Variants in PPP3CA observed in about 807,000 individuals in gnomAD.
PPP3CA encodes the protein CAM-PRP catalytic subunit.
In PPP3CA, 14 loss-of-function variants were observed where a neutral mutation model predicts 66.5. The ratio of observed to expected loss-of-function variants is 0.21; its 90% CI spans 0.14 to 0.33. The LOEUF is 0.33. PPP3CA is among the 10% of genes least tolerant of loss of function. The pLI is 1.00. For synonymous variants in PPP3CA, 232 were observed against 226.2 expected (o/e 1.03, Z -0.23); for missense variants, 317 against 639.5 (o/e 0.50, Z 5.44).
chr4:101,223,759 C>T (rs1444118116), intron 1 of PPP3CA, among the ~76,000 whole-genome samples: 1 of 151,782 alleles, frequency 6.6e-6, no homozygotes, highest in Non-Finnish European at 1.5e-5. Flanking sequence ...TGTATAATTA[C>T]TTAATATCAT....
chr4:101,141,328 C>T (rs1560623646), intron 2 of PPP3CA, among the ~76,000 whole-genome samples: 1 of 152,100 alleles, frequency 6.6e-6, no homozygotes, highest in South Asian at 2.1e-4. Context: ...CCAGATCACG[C>T]CACTGCATGC....
rs534683519 is a variant in PPP3CA, at chr4:101,126,028, A to T, written c.260-16950T>A. Among the ~76,000 whole-genome samples, 17 of 152,332 alleles carry T rather than the reference A, an allele frequency of 1.1e-4. No homozygotes were observed. In the East Asian group the frequency reaches 2.7e-3, roughly 24 times the overall value. ...GGTAGGAAGAGAGATGTGCAGGTAAATTTATACACAATATTTTTAAAGGAA... is the reference window on the plus strand; with the variant it reads ...GGTAGGAAGAGAGATGTGCAGGTAATTTTATACACAATATTTTTAAAGGAA... On this transcript the variant is annotated intron_variant, in intron 2 of 13. Transcript: ENST00000394854.
chr4:101,249,503 C>T (rs1172052845), intron 1 of PPP3CA, among the ~76,000 whole-genome samples: 2 of 151,904 alleles, frequency 1.3e-5, no homozygotes, highest in Non-Finnish European at 2.9e-5. Context: ...TTAGTACATT[C>T]ATTCTTCCTT....
intron 1 of PPP3CA, among the ~76,000 whole-genome samples, chr4:101,210,923 C>A (rs1725279849): frequency 6.6e-6 from 1 of 151,950 alleles, no homozygotes; most frequent in Non-Finnish European, 1.5e-5. Flanking sequence ...AAGAAACAGG[C>A]TCAAAGAGAG....
At chr4:101,333,895 A>T (rs957060105) in intron 1 of PPP3CA, among the ~76,000 whole-genome samples, 4 of 152,180 alleles carry the variant, frequency 2.6e-5, no homozygotes, top group African/African-American at 7.2e-5. Context: ...TTTGCTTCCC[A>T]CACTGGACAG....
Position 101,093,935 on chromosome 4 carries a change from G to C in PPP3CA, c.643-20C>G, listed in dbSNP as rs757710167. 1.9e-6 allele frequency: 3 copies of C among 1,586,496 alleles called. No homozygotes were observed. Among genetic ancestry groups the C allele is most frequent in the Non-Finnish European group, 2.6e-6 (3 of 1,166,972 alleles). ...GTCTAACTAAGAAAAATAGAAGACA[G>C]AGAGCAAAATACTAATCTTTGGAAA... On this transcript the variant is annotated intron_variant, in intron 5 of 13. Transcript: ENST00000394854.
chr4:101,246,768 C>A (rs1338781123), intron 1 of PPP3CA, among the ~76,000 whole-genome samples: 2 of 151,908 alleles, frequency 1.3e-5, no homozygotes, highest in African/African-American at 4.8e-5. Flanking sequence ...ACATCTCCTT[C>A]TATATATATA....
intron 2 of PPP3CA, among the ~76,000 whole-genome samples, chr4:101,177,270 C>A (rs1315064642): frequency 6.6e-6 from 1 of 152,082 alleles, no homozygotes; most frequent in Non-Finnish European, 1.5e-5. Flanking sequence ...TTAGACTAAT[C>A]AAGATATTCC....
At chr4:101,029,115 C>A in intron 13 of PPP3CA, 51 bp downstream of exon 13, 2 of 1,522,004 alleles carry the variant, frequency 1.3e-6, no homozygotes, top group South Asian at 1.1e-5. Flanking sequence ...ATACACCCAG[C>A]AGAGCCCTTA....
At chr4:101,210,753 T>A (rs1725275560) in intron 1 of PPP3CA, among the ~76,000 whole-genome samples, 1 of 152,218 alleles carries the variant, frequency 6.6e-6, no homozygotes, top group South Asian at 2.1e-4. Context: ...TATTTCTTTG[T>A]CTTTAAAATA....
chr4:101,194,462 G>A (rs1724721071), intron 2 of PPP3CA, among the ~76,000 whole-genome samples: 1 of 152,116 alleles, frequency 6.6e-6, no homozygotes, highest in South Asian at 2.1e-4. Context: ...TAATATTTAA[G>A]AGGAAAATAT....
At chr4:101,290,301 T>C (rs1405299671) in intron 1 of PPP3CA, among the ~76,000 whole-genome samples, 1 of 152,224 alleles carries the variant, frequency 6.6e-6, no homozygotes, top group Non-Finnish European at 1.5e-5. Flanking sequence ...GTCCCAGGAA[T>C]TTCCTTTGGT....
intron 1 of PPP3CA, among the ~76,000 whole-genome samples, chr4:101,275,886 T>G (rs57878779): frequency 0.65 from 96,772 of 148,398 alleles, 32,696 homozygotes; most frequent in Non-Finnish European, 0.75. Flanking sequence ...TTTGTTTGTT[T>G]GTTTGTTTTT....
At position 101,025,984 on chromosome 4, in the gene PPP3CA, T is replaced by C. The variant is rs1360040556; in HGVS notation, c.1447A>G (p.Met483Val). ...GGCATGGCATCTCTGCGAGGCGGCA[T>C]CCTCTCATTAATTCGGTCTAAGCCC... is the stretch of plus-strand genomic sequence containing the variant. ...AKGLDRINER[M>V]PPRRDAMPSD... Residue 483 changes from methionine (M) to valine (V), a missense_variant, in exon 14 of 14, where the codon ATG (methionine) becomes GTG (valine). By Grantham distance (21) the Met-to-Val change is conservative. Coordinates refer to ENST00000394854, the MANE Select transcript of PPP3CA (RefSeq NM_000944.5). 1 of 1,613,796 alleles carries C rather than the reference T, an allele frequency of 6.2e-7. No individual in the cohort carries two copies. The highest frequency in any genetic ancestry group is 1.3e-5 in the African/African-American group (1 of 74,844).
At chr4:101,078,343 T>C (rs1220098457) in intron 8 of PPP3CA, among the ~76,000 whole-genome samples, 1 of 152,192 alleles carries the variant, frequency 6.6e-6, no homozygotes, top group Non-Finnish European at 1.5e-5. Context: ...TTAGCTTTTA[T>C]GAGTTTTATA....
intron 1 of PPP3CA, among the ~76,000 whole-genome samples, chr4:101,214,717 A>G (rs1054751455): frequency 3.3e-5 from 5 of 152,138 alleles, no homozygotes; most frequent in African/African-American, 1.2e-4. Flanking sequence ...TATAGATTTA[A>G]TGATGTAACT....
At chr4:101,059,378 C>T (rs1016785223) in intron 10 of PPP3CA, among the ~76,000 whole-genome samples, 3 of 151,786 alleles carry the variant, frequency 2.0e-5, no homozygotes, top group East Asian at 1.9e-4. Context: ...CATCTCCTTG[C>T]GATGTGGTAT....
At chr4:101,076,643 A>G (rs1450149946) in intron 8 of PPP3CA, among the ~76,000 whole-genome samples, 1 of 152,220 alleles carries the variant, frequency 6.6e-6, no homozygotes, top group Non-Finnish European at 1.5e-5. Context: ...GTGGAGAAAC[A>G]GAAAGCCAAA....
chr4:101,250,535 A>G (rs1726641772), intron 1 of PPP3CA, among the ~76,000 whole-genome samples: 1 of 152,174 alleles, frequency 6.6e-6, no homozygotes, highest in Admixed American at 6.5e-5. Flanking sequence ...CTTCTTGTCT[A>G]TAACTCAGAT....
Sources: allele counts gnomAD v4.1 joint callset (sites outside exome capture counted in the v4.1 genomes callset), GRCh38; gene constraint gnomAD v4.1.1; transcripts MANE v1.5; gene names NCBI Gene and HGNC (gene_info 2026-07-23, HGNC 2026-07-21).